The following DOCK3 variants were observed in gnomAD, a reference collection of about 807,000 sequenced individuals.
The protein encoded by DOCK3 is dedicator of cytokinesis 3.
DOCK3 carries 60 observed loss-of-function variants against 265.6 expected under a neutral mutation model. The ratio of observed to expected loss-of-function variants is 0.23; its 90% CI spans 0.18 to 0.28. The LOEUF is 0.28. Among genes scored for constraint, DOCK3 ranks in the 10% least tolerant of loss-of-function variants. The pLI is 1.00. For missense variants in DOCK3, 1,981 were observed against 2,594.3 expected, an observed-to-expected ratio of 0.76 and a Z score of 5.14; for synonymous variants, 881 against 938.0, an observed-to-expected ratio of 0.94 and a Z score of 1.11.
At chr3:50,810,398 A>G (rs1200910379) in intron 2 of DOCK3, among the ~76,000 whole-genome samples, 4 of 152,058 alleles carry the variant, frequency 2.6e-5, no homozygotes, top group Non-Finnish European at 5.9e-5. Context: ...TAAAAACACA[A>G]AAATTAGCTG....
chr3:50,894,970 A>G (rs1328125066), intron 4 of DOCK3, among the ~76,000 whole-genome samples: 1 of 152,106 alleles, frequency 6.6e-6, no homozygotes, highest in Non-Finnish European at 1.5e-5. Flanking sequence ...ACAATTCCAA[A>G]TTGTTATTCT....
intron 9 of DOCK3, among the ~76,000 whole-genome samples, chr3:51,133,713 A>G (rs4927957): frequency 0.88 from 134,397 of 152,098 alleles, 59,525 homozygotes; most frequent in East Asian, 0.93. Flanking sequence ...TTATACAAAC[A>G]GAAATCTAGA....
At chr3:50,999,689 CA>C (rs947707588) in intron 5 of DOCK3, among the ~76,000 whole-genome samples, 56 of 151,450 alleles carry the variant, frequency 3.7e-4, no homozygotes, top group Non-Finnish European at 4.9e-4. Flanking sequence ...TCAACATGTG[CA>C]AAAAAAAGGC....
At chr3:51,375,453 T>C (rs2088031096) in intron 50 of DOCK3, among the ~76,000 whole-genome samples, 1 of 152,144 alleles carries the variant, frequency 6.6e-6, no homozygotes, top group Non-Finnish European at 1.5e-5. Context: ...AAACAGATGC[T>C]CCCAGGTAGC....
chr3:51,264,120 G>A (rs1372820197), intron 23 of DOCK3, among the ~76,000 whole-genome samples: 1 of 152,172 alleles, frequency 6.6e-6, no homozygotes, highest in African/African-American at 2.4e-5. Context: ...ATTCTTCTCA[G>A]CACCACATTG....
rs376490192 is a variant in DOCK3 at position 51,252,899 on chromosome 3, G to T, written c.2184+6092G>T. 1.6e-4 allele frequency among the ~76,000 whole-genome samples: 25 copies of T among 152,184 alleles called. 1 individual carries two copies. Among genetic ancestry groups the T allele is most frequent in the Admixed American group, 1.6e-3 (25 of 15,284 alleles). ...CCCTGGCCAGAACTTTCAACACTAT[G>T]TTGAATAGGAGTGGTGAGAGAGGGC... On this transcript the variant is annotated intron_variant, in intron 22 of 52. Coordinates refer to ENST00000266037, the MANE Select transcript of DOCK3 (RefSeq NM_004947.5).
At chr3:51,088,498 A>G (rs1346805675) in intron 7 of DOCK3, among the ~76,000 whole-genome samples, 1 of 152,264 alleles carries the variant, frequency 6.6e-6, no homozygotes, top group Non-Finnish European at 1.5e-5. Flanking sequence ...TATACATTGT[A>G]TGCATGTATC....
At chr3:51,277,511 G>T in intron 25 of DOCK3, 97 bp from the exon 26 acceptor site, 1 of 1,423,400 alleles carries the variant, frequency 7.0e-7, no homozygotes, top group Non-Finnish European at 9.3e-7. Flanking sequence ...TGGGAATCCA[G>T]AAGACTACTG....
At chr3:51,165,421 A>C in intron 12 of DOCK3, among the ~76,000 whole-genome samples, 1 of 152,260 alleles carries the variant, frequency 6.6e-6, no homozygotes, top group East Asian at 1.9e-4. Context: ...GAACATATTC[A>C]TCACTTGACA....
chr3:50,844,876 G>T (rs749526676), intron 3 of DOCK3, among the ~76,000 whole-genome samples: 2 of 152,134 alleles, frequency 1.3e-5, no homozygotes, highest in African/African-American at 4.8e-5. Context: ...GAGACATAGT[G>T]TTCTGTTCCA....
chr3:50,897,306 G>A (rs927021039), intron 4 of DOCK3, among the ~76,000 whole-genome samples: 1 of 152,160 alleles, frequency 6.6e-6, no homozygotes, highest in African/African-American at 2.4e-5. Context: ...GTATAAGAAT[G>A]CTTGTGATTT....
intron 10 of DOCK3, among the ~76,000 whole-genome samples, chr3:51,156,581 A>AT (rs1027570695): frequency 6.6e-6 from 1 of 152,228 alleles, no homozygotes; most frequent in Non-Finnish European, 1.5e-5. Flanking sequence ...TTATATTGAA[A>AT]TTCTGTGGAA....
At chr3:51,242,154 C>A (rs561400443) in intron 21 of DOCK3, among the ~76,000 whole-genome samples, 2 of 151,962 alleles carry the variant, frequency 1.3e-5, no homozygotes, top group Non-Finnish European at 2.9e-5. Context: ...GTGGATTCAG[C>A]CAGCTGGATT....
intron 21 of DOCK3, among the ~76,000 whole-genome samples, chr3:51,245,557 A>AT (rs995999206): frequency 1.3e-5 from 2 of 151,320 alleles, no homozygotes; most frequent in Non-Finnish European, 2.9e-5. Context: ...CACCCAGCTA[A>AT]TTTTTTTGTA....
At chr3:50,697,061 G>A (rs2035675840) in intron 1 of DOCK3, among the ~76,000 whole-genome samples, 1 of 151,596 alleles carries the variant, frequency 6.6e-6, no homozygotes, top group South Asian at 2.1e-4. Flanking sequence ...CTCCCGAGTA[G>A]CTGGGATTAC....
intron 9 of DOCK3, among the ~76,000 whole-genome samples, chr3:51,107,100 G>C (rs962573029): frequency 2.6e-5 from 4 of 152,078 alleles, no homozygotes. Flanking sequence ...GCTGAGCCTT[G>C]GTCTCCTAAA....
intron 3 of DOCK3, among the ~76,000 whole-genome samples, chr3:50,863,939 G>A (rs1281419348): frequency 2.6e-5 from 4 of 152,146 alleles, no homozygotes; most frequent in South Asian, 4.1e-4. Context: ...CAGCTCTATC[G>A]TCCACACACT....
chr3:51,233,345 TC>T (rs1348644190), intron 19 of DOCK3, among the ~76,000 whole-genome samples: 2,223 of 39,330 alleles, frequency 0.057, 20 homozygotes, highest in South Asian at 0.17. Context: ...TATCTATCTA[TC>T]TATCTATCTA....
At chr3:51,011,114 C>T (rs550589710) in intron 5 of DOCK3, among the ~76,000 whole-genome samples, 6 of 152,196 alleles carry the variant, frequency 3.9e-5, no homozygotes, top group African/African-American at 7.2e-5. Flanking sequence ...TTGCTCTTCT[C>T]GAGGAGTGTC....
Sources: gnomAD v4.1 joint callset for allele counts (sites outside exome capture counted in the v4.1 genomes callset) on GRCh38, gnomAD v4.1.1 for gene constraint, MANE v1.5 for transcripts, NCBI Gene and HGNC (gene_info 2026-07-23, HGNC 2026-07-21) for gene names.